CHST8: variants seen among roughly 807,000 people sequenced by gnomAD.
The protein encoded by CHST8 is GALNAC-4-ST1.
Under a neutral mutation model 15.0 loss-of-function variants are expected in CHST8, and 10 were observed. The ratio of observed to expected loss-of-function variants is 0.67; its 90% CI spans 0.41 to 1.13. The LOEUF (loss-of-function observed/expected upper bound fraction) is 1.13, where lower values mean the gene tolerates loss of function less well. Ranked by LOEUF, CHST8 falls within the 50% of genes most tolerant of loss-of-function variation. The pLI, the probability that CHST8 is intolerant of heterozygous loss-of-function variation, is 0.00. For missense variants in CHST8, 634 were observed against 608.2 expected (o/e 1.04, Z -0.45); for synonymous variants, 259 against 256.6 (o/e 1.01, Z -0.09).
intron 2 of CHST8, among the ~76,000 whole-genome samples, chr19:33,677,850 C>T (rs1972830065): frequency 6.6e-6 from 1 of 152,192 alleles, no homozygotes; most frequent in South Asian, 2.1e-4. Flanking sequence ...TGAGACTGGG[C>T]ACGGGAGGTT....
intron 3 of CHST8, among the ~76,000 whole-genome samples, chr19:33,752,465 A>G (rs946969229): frequency 1.3e-5 from 2 of 152,214 alleles, no homozygotes; most frequent in African/African-American, 2.4e-5. Flanking sequence ...ACTGATTAAT[A>G]TTAATGTGTT....
chr19:33,698,602 G>C (rs1447999979), intron 3 of CHST8, among the ~76,000 whole-genome samples: 1 of 151,964 alleles, frequency 6.6e-6, no homozygotes, highest in Non-Finnish European at 1.5e-5. Context: ...GGTTCAGGGG[G>C]ACTTGGGTTT....
In CHST8 at chr19:33,772,429, G is replaced by T; in HGVS notation, c.641G>T (p.Gly214Val). 6.2e-7 allele frequency: 1 copy of T among 1,611,002 alleles called. No homozygotes were observed. Among genetic ancestry groups the T allele is most frequent in the East Asian group, 2.2e-5 (1 of 44,880 alleles). Residue 214 changes from glycine (G) to valine (V), a missense_variant, in exon 5 of 5, where the codon GGC becomes GTC. Transcript: ENST00000650847. ...AAGCGGGTGCTCATGGTGCTGGCCG[G>T]CCTGGCCTCGTCCACTGCCGACATC... ...NWKRVLMVLA[G>V]LASSTADIQH...
chr19:33,771,868 AC>A, intron 4 of CHST8, 88 bp from the exon 5 acceptor site: 1 of 1,441,978 alleles, frequency 6.9e-7, no homozygotes, highest in Non-Finnish European at 9.4e-7. Flanking sequence ...AGGGACAGGA[AC>A]CCCAGCCGTG....
intron 3 of CHST8, among the ~76,000 whole-genome samples, chr19:33,733,868 C>G (rs1054340381): frequency 6.6e-6 from 1 of 152,220 alleles, no homozygotes. Flanking sequence ...GGCCCACACA[C>G]CATCATAACT....
At chr19:33,645,840 G>A (rs1248803582) in intron 1 of CHST8, among the ~76,000 whole-genome samples, 2 of 152,162 alleles carry the variant, frequency 1.3e-5, no homozygotes, top group African/African-American at 2.4e-5. Context: ...AAAGAGTTTA[G>A]TGAGGGCCAG....
At chr19:33,630,975 C>T (rs1200295540) in intron 1 of CHST8, among the ~76,000 whole-genome samples, 3 of 152,146 alleles carry the variant, frequency 2.0e-5, no homozygotes, top group Non-Finnish European at 4.4e-5. Flanking sequence ...ATGTTGGCCA[C>T]GTCCATCAGG....
chr19:33,760,885 C>T (rs1974711078), intron 3 of CHST8, among the ~76,000 whole-genome samples: 1 of 152,198 alleles, frequency 6.6e-6, no homozygotes, highest in South Asian at 2.1e-4. Context: ...AGACTGGAAG[C>T]TTCATGAGGG....
intron 3 of CHST8, among the ~76,000 whole-genome samples, chr19:33,762,335 T>C (rs1448854929): frequency 6.6e-6 from 1 of 152,210 alleles, no homozygotes; most frequent in Admixed American, 6.5e-5. Flanking sequence ...GTTGGGTTTG[T>C]AGACTGGCTG....
chr19:33,773,007 T>C lies in CHST8; in HGVS notation c.1219T>C (p.Tyr407His), dbSNP rs762788923. The C allele has an allele frequency of 1.2e-5, 19 of 1,612,768 alleles. No individual in the cohort carries two copies. The highest frequency in any genetic ancestry group is 1.6e-5 in the Non-Finnish European group (19 of 1,179,996). The change falls in exon 5 of 5, where the codon TAC becomes CAC. Residue 407 changes from tyrosine to histidine, a missense_variant. Physicochemically the swap from Tyr to His is moderately conservative, Grantham distance 83 (BLOSUM62 2). Coordinates refer to ENST00000650847, the MANE Select transcript of CHST8 (RefSeq NM_001127895.2). ...GCAAAGGCAGCGCACCTACGACTTC[T>C]ACTACATGGATTACCTGATGTTCAA... ...ALQRQRTYDFYYMDYLMFNYS... is the reference protein window; with the variant it reads ...ALQRQRTYDFHYMDYLMFNYS...
At chr19:33,753,117 G>A (rs1021073913) in intron 3 of CHST8, among the ~76,000 whole-genome samples, 8 of 152,010 alleles carry the variant, frequency 5.3e-5, no homozygotes, top group African/African-American at 1.5e-4. Flanking sequence ...CACTGCCTGG[G>A]CATCAGAGGC....
intron 1 of CHST8, among the ~76,000 whole-genome samples, chr19:33,664,657 T>A (rs1485732390): frequency 6.6e-6 from 1 of 152,074 alleles, no homozygotes; most frequent in African/African-American, 2.4e-5. Context: ...TTAAAAAAAA[T>A]TATACTGCCA....
intron 2 of CHST8, among the ~76,000 whole-genome samples, chr19:33,673,207 C>T (rs143125061): frequency 2.0e-4 from 31 of 152,290 alleles, no homozygotes; most frequent in African/African-American, 7.0e-4. Context: ...TCCCAGATAT[C>T]GATCAGTGCC....
At chr19:33,718,698 C>T (rs539404011) in intron 3 of CHST8, among the ~76,000 whole-genome samples, 3 of 152,228 alleles carry the variant, frequency 2.0e-5, no homozygotes, top group East Asian at 1.9e-4. Context: ...TCAACGTACA[C>T]GTTCAGTCCC....
chr19:33,623,742 G>A (rs985899420), intron 1 of CHST8, among the ~76,000 whole-genome samples: 1 of 152,126 alleles, frequency 6.6e-6, no homozygotes, highest in Non-Finnish European at 1.5e-5. Context: ...TGCCCACCCT[G>A]TGCCCTGTCC....
intron 1 of CHST8, among the ~76,000 whole-genome samples, chr19:33,634,677 C>CAAAAAAA (rs3040761): frequency 2.3e-4 from 12 of 52,368 alleles, no homozygotes; most frequent in African/African-American, 3.2e-4. Context: ...GTCACGAAAC[C>CAAAAAAA]AAAAAAAAAA....
intron 1 of CHST8, among the ~76,000 whole-genome samples, chr19:33,622,709 C>A (rs1005163251): frequency 6.6e-6 from 1 of 152,074 alleles, no homozygotes; most frequent in Non-Finnish European, 1.5e-5. Context: ...GGCTTCCTGG[C>A]GCGCTCGGAG....
At chr19:33,652,549 T>A (rs1043101144) in intron 1 of CHST8, among the ~76,000 whole-genome samples, 1 of 152,098 alleles carries the variant, frequency 6.6e-6, no homozygotes, top group East Asian at 1.9e-4. Flanking sequence ...CTAATTCTTG[T>A]ATCTTTATTA....
chr19:33,757,508 AAGAAAGAAAGAAAG>A (rs1974606321), intron 3 of CHST8, among the ~76,000 whole-genome samples: 1 of 46,274 alleles, frequency 2.2e-5, no homozygotes, highest in African/African-American at 9.0e-5. Context: ...GAAAGAAAGA[AAGAAAGAAAGAAAG>A]AGAAAGAAAG....
Sources: allele counts gnomAD v4.1 joint callset (sites outside exome capture counted in the v4.1 genomes callset), GRCh38; gene constraint gnomAD v4.1.1; transcripts MANE v1.5; gene names NCBI Gene and HGNC (gene_info 2026-07-23, HGNC 2026-07-21).